Variants in PRKG1 observed in about 807,000 individuals in gnomAD.
PRKG1 encodes protein kinase cGMP-dependent 1.
PRKG1 carries 35 observed loss-of-function variants against 88.1 expected under a neutral mutation model. The ratio of observed to expected loss-of-function variants is 0.40; its 90% CI spans 0.30 to 0.53. PRKG1 has a LOEUF of 0.53. Ranked by LOEUF, PRKG1 falls within the 20% of genes least tolerant of loss-of-function variation. The pLI, the probability that PRKG1 is intolerant of heterozygous loss-of-function variation, is 0.59. For synonymous variants in PRKG1, 303 were observed against 292.5 expected (o/e 1.04, Z -0.37); for missense variants, 540 against 839.8 (o/e 0.64, Z 4.41).
chr10:52,189,525 C>T (rs930881485), intron 9 of PRKG1, among the ~76,000 whole-genome samples: 2 of 152,126 alleles, frequency 1.3e-5, no homozygotes, highest in Admixed American at 1.3e-4. Context: ...GGAAAGCAAA[C>T]CCTATTGTGA....
At chr10:51,594,859 C>A (rs570663230) in intron 3 of PRKG1, among the ~76,000 whole-genome samples, 2 of 152,284 alleles carry the variant, frequency 1.3e-5, no homozygotes, top group African/African-American at 4.8e-5. Flanking sequence ...AACTACAGGA[C>A]TGCCTTGGTC....
At chr10:52,067,562 G>T (rs1193677873) in intron 7 of PRKG1, among the ~76,000 whole-genome samples, 1 of 152,062 alleles carries the variant, frequency 6.6e-6, no homozygotes, top group Non-Finnish European at 1.5e-5. Context: ...TTATTTTCTT[G>T]TTGGATGGAG....
intron 3 of PRKG1, among the ~76,000 whole-genome samples, chr10:51,504,393 G>T (rs1841131548): frequency 6.6e-6 from 1 of 152,170 alleles, no homozygotes; most frequent in South Asian, 2.1e-4. Context: ...ATAGTTTGAA[G>T]TCAGGTAGTG....
Position 51,880,818 on chromosome 10 carries a change from C to T in PRKG1, c.699-26689C>T, listed in dbSNP as rs566995744. On this transcript the variant is annotated intron_variant, in intron 4 of 17. Transcript: ENST00000373980. ...TGCTTTTGGCTCTATTGCAATCAAC[C>T]TATCGGTTCATCAATTCAAGAATTA... is the stretch of plus-strand genomic sequence containing the variant. 9.9e-5 allele frequency among the ~76,000 whole-genome samples: 15 copies of T among 152,256 alleles called. No individual in the cohort carries two copies. The South Asian group carries it at 3.1e-3, about 32-fold the overall frequency.
At chr10:52,090,700 C>A (rs1360340475) in intron 7 of PRKG1, among the ~76,000 whole-genome samples, 1 of 152,106 alleles carries the variant, frequency 6.6e-6, no homozygotes, top group East Asian at 1.9e-4. Flanking sequence ...AACATTTTGA[C>A]AAGTAAATGT....
intron 5 of PRKG1, among the ~76,000 whole-genome samples, chr10:51,912,239 TTGAGAGGAGGCTA>T (rs1842234299): frequency 6.6e-6 from 1 of 152,198 alleles, no homozygotes; most frequent in East Asian, 1.9e-4. Flanking sequence ...TGGTAGTGTG[TTGAGAGGAGGCTA>T]CAGAAAATTA....
chr10:51,520,070 C>G (rs1358571498), intron 3 of PRKG1, among the ~76,000 whole-genome samples: 4 of 151,938 alleles, frequency 2.6e-5, no homozygotes, highest in Admixed American at 2.6e-4. Context: ...TTAACAAATC[C>G]TGGTAAGGAG....
chr10:51,258,603 A>G (rs374842237), intron 2 of PRKG1, among the ~76,000 whole-genome samples: 1 of 152,190 alleles, frequency 6.6e-6, no homozygotes, highest in Non-Finnish European at 1.5e-5. Context: ...TGTGAGGTGT[A>G]AGTCCTGCCA....
At chr10:52,221,594 A>G (rs961606822) in intron 9 of PRKG1, among the ~76,000 whole-genome samples, 4 of 152,152 alleles carry the variant, frequency 2.6e-5, no homozygotes, top group Admixed American at 2.6e-4. Flanking sequence ...GTTAAGTCAT[A>G]TTTATTTTAA....
chr10:51,968,173 G>T (rs1843618776), intron 5 of PRKG1, among the ~76,000 whole-genome samples: 1 of 152,178 alleles, frequency 6.6e-6, no homozygotes, highest in South Asian at 2.1e-4. Flanking sequence ...CCTTATGCCA[G>T]ACCCATGAGT....
At chr10:51,247,423 G>T (rs1243906884) in intron 2 of PRKG1, among the ~76,000 whole-genome samples, 1 of 151,840 alleles carries the variant, frequency 6.6e-6, no homozygotes, top group Admixed American at 6.6e-5. Context: ...ACATTTCTTG[G>T]TCCTTTTCAT....
At chr10:51,091,971 T>G (rs147743335) in intron 1 of PRKG1, among the ~76,000 whole-genome samples, 15 of 152,316 alleles carry the variant, frequency 9.8e-5, no homozygotes, top group African/African-American at 3.6e-4. Flanking sequence ...ACTGTATGGC[T>G]TCTGCTTTTC....
chr10:51,731,104 C>T (rs1030772838), intron 3 of PRKG1, among the ~76,000 whole-genome samples: 3 of 151,942 alleles, frequency 2.0e-5, no homozygotes, highest in Non-Finnish European at 4.4e-5. Flanking sequence ...TGCAGTGAGC[C>T]GACATGATGC....
intron 1 of PRKG1, among the ~76,000 whole-genome samples, chr10:51,034,590 T>C: frequency 6.8e-6 from 1 of 147,812 alleles, no homozygotes; most frequent in East Asian, 2.0e-4. Context: ...ATACACTAAA[T>C]AGAGGAATTT....
chr10:52,146,940 G>A (rs540975267), intron 8 of PRKG1, among the ~76,000 whole-genome samples: 3 of 152,282 alleles, frequency 2.0e-5, no homozygotes, highest in African/African-American at 4.8e-5. Context: ...CAACATGACT[G>A]GGGTGAATCA....
chr10:52,239,228 A>G (rs1402429074), intron 9 of PRKG1, among the ~76,000 whole-genome samples: 5 of 139,638 alleles, frequency 3.6e-5, no homozygotes, highest in East Asian at 2.1e-4. Flanking sequence ...GCTAGATGAC[A>G]AGTTAGTGGG....
intron 3 of PRKG1, chr10:51,695,446 A>G (rs1841263863): frequency 6.6e-6 from 1 of 152,216 alleles, no homozygotes; most frequent in Non-Finnish European, 1.5e-5. Flanking sequence ...AGACTTTTGT[A>G]TAATGTATTC....
intron 2 of PRKG1, among the ~76,000 whole-genome samples, chr10:51,301,626 G>A (rs1840889698): frequency 6.6e-6 from 1 of 152,200 alleles, no homozygotes; most frequent in African/African-American, 2.4e-5. Flanking sequence ...ATTGGGAATA[G>A]GTCAGGGTGC....
intron 2 of PRKG1, among the ~76,000 whole-genome samples, chr10:51,371,364 C>A (rs1216414936): frequency 1.3e-5 from 2 of 151,480 alleles, no homozygotes; most frequent in Non-Finnish European, 2.9e-5. Context: ...ATTAGAGACC[C>A]ATCTCTTTAA....
Sources: allele counts gnomAD v4.1 joint callset (sites outside exome capture counted in the v4.1 genomes callset), GRCh38; gene constraint gnomAD v4.1.1; transcripts MANE v1.5; gene names NCBI Gene and HGNC (gene_info 2026-07-23, HGNC 2026-07-21).